PRSS58: variants seen among roughly 807,000 people sequenced by gnomAD.
PRSS58 encodes protease, serine 58.
Under a neutral mutation model 25.0 loss-of-function variants are expected in PRSS58, and 31 were observed. The ratio of observed to expected loss-of-function variants is 1.24; its 90% CI spans 0.93 to 1.67. The LOEUF (loss-of-function observed/expected upper bound fraction) is 1.67, where lower values mean the gene tolerates loss of function less well. Ranked by LOEUF, PRSS58 falls within the 40% of genes most tolerant of loss-of-function variation. The pLI is 0.00. For synonymous variants in PRSS58, 119 were observed against 106.1 expected (o/e 1.12, Z -0.75); for missense variants, 324 against 287.9 (o/e 1.13, Z -0.91).
Position 142,257,721 on chromosome 7 carries a change from G to A in PRSS58, c.-14C>T. On this transcript the variant is annotated 5_prime_UTR_variant, in exon 2 of 6. Transcript: ENST00000547058. ...GATAAACTTCATGATGATGTTGAAA[G>A]CCCAGTTTAGCTCCAGTCTCTGGAA... 6.2e-7 allele frequency: 1 copy of A among 1,610,030 alleles called. No homozygotes were observed. The highest frequency in any genetic ancestry group is 8.5e-7 in the Non-Finnish European group (1 of 1,176,496).
chr7:142,252,849 G>A (rs1317872785), intron 4 of PRSS58, among the ~76,000 whole-genome samples: 1 of 152,220 alleles, frequency 6.6e-6, no homozygotes, highest in African/African-American at 2.4e-5. Context: ...ACATGTACAT[G>A]TGAGACACTC....
At chr7:142,254,039 A>G (rs573312273) in intron 4 of PRSS58, among the ~76,000 whole-genome samples, 2 of 152,314 alleles carry the variant, frequency 1.3e-5, no homozygotes, top group East Asian at 3.9e-4. Flanking sequence ...GTTTCTATAA[A>G]AAGAAAGTAG....
At chr7:142,255,491 T>C (rs771447270) in intron 3 of PRSS58, 44 bp downstream of exon 3, 2 of 1,613,024 alleles carry the variant, frequency 1.2e-6, no homozygotes, top group Non-Finnish European at 1.7e-6. Context: ...GTGCCCAACC[T>C]GAGAACCCAA....
intron 4 of PRSS58, among the ~76,000 whole-genome samples, chr7:142,254,850 T>C (rs1423529449): frequency 3.3e-5 from 5 of 151,472 alleles, no homozygotes; most frequent in Middle Eastern, 3.4e-3. Flanking sequence ...CTATCATATA[T>C]GAAAGAGAAA....
intron 4 of PRSS58, among the ~76,000 whole-genome samples, chr7:142,254,462 A>AT (rs1156798926): frequency 4.6e-5 from 7 of 152,214 alleles, no homozygotes; most frequent in Non-Finnish European, 7.3e-5. Context: ...ACTTCCATTG[A>AT]TAAAAATAAT....
chr7:142,256,271 G>T lies in PRSS58; in HGVS notation c.41-598C>A, dbSNP rs145104617. On this transcript the variant is annotated intron_variant, in intron 2 of 5. Coordinates refer to ENST00000547058, the MANE Select transcript of PRSS58 (RefSeq NM_001001317.5). ...ATATTACAATTAATGAAGATATTCA[G>T]TAATAATAAACACAACACACAAATA... Among the ~76,000 whole-genome samples the T allele has an allele frequency of 5.9e-3, 898 of 152,268 alleles. 5 individuals carry two copies. The highest frequency in any genetic ancestry group is 0.021 in the African/African-American group (855 of 41,526).
rs985310 is a variant in PRSS58 at position 142,258,034 on chromosome 7, G to C, written c.-85C>G. ...CATGATATCTCTACAGACGCCTCCTGTCTGGTCTCCTTTTTGCCAGCCTTG... is the reference window on the plus strand; with the variant it reads ...CATGATATCTCTACAGACGCCTCCTCTCTGGTCTCCTTTTTGCCAGCCTTG... On this transcript the variant is annotated 5_prime_UTR_variant, in exon 1 of 6. Coordinates refer to ENST00000547058, the MANE Select transcript of PRSS58 (RefSeq NM_001001317.5). The C allele has an allele frequency of 0.16, 41,370 of 260,656 alleles. 4,421 individuals are homozygous for C. Among genetic ancestry groups the C allele is most frequent in the African/African-American group, 0.33 (14,933 of 45,244 alleles). The allele number at this position is 260,656 out of a possible 1,614,324, so 16.1% of individuals were successfully genotyped here. A position where few individuals can be genotyped will look rare whatever the true frequency, so the allele number is the denominator to read the frequency against.
Position 142,255,574 on chromosome 7 carries a change from T to C in PRSS58, c.140A>G (p.His47Arg). 6.2e-7 allele frequency: 1 copy of C among 1,614,032 alleles called. No homozygotes were observed. Among genetic ancestry groups the C allele is most frequent in the South Asian group, 1.1e-5 (1 of 91,078 alleles). ...DYLPCAGVLIHPLWVITAAHC... is the reference protein window; with the variant it reads ...DYLPCAGVLIRPLWVITAAHC... ...TGCAGCTGTGATCACCCAAAGCGGG[T>C]GGATCAGGACTCCAGCGCAGGGCAA... Residue 47 changes from histidine (H) to arginine (R), a missense_variant, in exon 3 of 6, where the codon CAC becomes CGC. Transcript: ENST00000547058.
intron 5 of PRSS58, 44 bp from the exon 6 acceptor site, chr7:142,252,414 C>T (rs755808296): frequency 6.2e-7 from 1 of 1,610,946 alleles, no homozygotes; most frequent in Non-Finnish European, 8.5e-7. Flanking sequence ...AGCAGATTAT[C>T]TTTCTGGCAA....
At chr7:142,252,444 G>A in intron 5 of PRSS58, 28 bp downstream of exon 5, 1 of 1,611,474 alleles carries the variant, frequency 6.2e-7, no homozygotes, top group Non-Finnish European at 8.5e-7. Flanking sequence ...AAGAAAATGG[G>A]AAAATTAATG....
intron 2 of PRSS58, among the ~76,000 whole-genome samples, chr7:142,255,892 T>C (rs1798548814): frequency 6.6e-6 from 1 of 152,344 alleles, no homozygotes; most frequent in African/African-American, 2.4e-5. Flanking sequence ...TCACTGTCAA[T>C]AAAATCTTTC....
chr7:142,254,916 C>T, intron 4 of PRSS58, 139 bp downstream of exon 4: 1 of 806,862 alleles, frequency 1.2e-6, no homozygotes, highest in Non-Finnish European at 2.0e-6. Context: ...TGAAGCACTC[C>T]TTCAGTGAGG....
intron 1 of PRSS58, 110 bp downstream of exon 1, chr7:142,257,881 G>C: frequency 1.6e-6 from 1 of 615,832 alleles, no homozygotes; most frequent in Non-Finnish European, 2.9e-6. Flanking sequence ...GGAGAGTGTA[G>C]CGTCATCTGT....
intron 2 of PRSS58, among the ~76,000 whole-genome samples, chr7:142,257,052 A>G (rs1209283556): frequency 2.4e-4 from 37 of 152,136 alleles, no homozygotes; most frequent in Admixed American, 2.4e-3. Flanking sequence ...GGAACCACTC[A>G]AGGATTTGTG....
chr7:142,255,293 C>G lies in PRSS58; in HGVS notation c.198G>C (p.Leu66Phe). ...TAGAGTCTGCTGGGATTGTAACCCC[C>G]AATATCACCCGAAGCTTTCTGGAAC... ...HCNLPKLRVI[L>F]GVTIPADSNE... Residue 66 changes from leucine (L) to phenylalanine (F), a missense_variant, in exon 4 of 6, where the codon TTG becomes TTC. Transcript: ENST00000547058. The G allele has an allele frequency of 6.2e-7, 1 of 1,613,824 alleles. No homozygotes were observed. Among genetic ancestry groups the G allele is most frequent in the African/African-American group, 1.3e-5 (1 of 75,016 alleles).
chr7:142,252,709 G>T, intron 4 of PRSS58, 98 bp from the exon 5 acceptor site: 1 of 1,301,696 alleles, frequency 7.7e-7, no homozygotes, highest in South Asian at 1.4e-5. Context: ...GAAATTAAAA[G>T]AGATCAAACA....
rs780600981 is a variant in PRSS58 at position 142,252,325 on chromosome 7, T to A, written c.622A>T (p.Ile208Phe). The A allele has an allele frequency of 2.6e-5, 42 of 1,614,030 alleles. No homozygotes were observed. Among genetic ancestry groups the A allele is most frequent in the Non-Finnish European group, 8.5e-7 (1 of 1,180,032 alleles). ...PAICNGMLQG[I>F]LSFADGCVLR... ...ACACATCCATCCGCAAAAGACAGGA[T>A]TCCTTGAAGCATCCCATTGCAGATT... is the stretch of plus-strand genomic sequence containing the variant. Residue 208 changes from isoleucine to phenylalanine, a missense_variant, in exon 6 of 6, where the codon ATC becomes TTC. Transcript: ENST00000547058.
At chr7:142,257,643 A>C in intron 2 of PRSS58, 25 bp downstream of exon 2, 1 of 1,595,222 alleles carries the variant, frequency 6.3e-7, no homozygotes, top group Non-Finnish European at 8.6e-7. Flanking sequence ...TTGGTGGGTA[A>C]AGAGACAAAT....
chr7:142,256,363 T>C (rs1235296152), intron 2 of PRSS58, among the ~76,000 whole-genome samples: 3 of 152,190 alleles, frequency 2.0e-5, no homozygotes, highest in African/African-American at 4.8e-5. Context: ...ATATATGATG[T>C]TAAATGGTGA....
Sources: gnomAD v4.1 joint callset for allele counts (sites outside exome capture counted in the v4.1 genomes callset) on GRCh38, gnomAD v4.1.1 for gene constraint, MANE v1.5 for transcripts, NCBI Gene and HGNC (gene_info 2026-07-23, HGNC 2026-07-21) for gene names.